The following PLEKHA5 variants were observed in gnomAD, a reference collection of about 807,000 sequenced individuals.
The protein encoded by PLEKHA5 is pleckstrin homology domain-containing family A member 5.
In PLEKHA5, 55 loss-of-function variants were observed where a neutral mutation model predicts 181.9. The observed-to-expected ratio is 0.30, with a 90% CI of 0.24 to 0.38. The LOEUF is 0.38. PLEKHA5 is among the 10% of genes least tolerant of loss of function. The pLI is 1.00. For synonymous variants in PLEKHA5, 535 were observed against 529.4 expected, an observed-to-expected ratio of 1.01 and a Z score of -0.15; for missense variants, 1,432 against 1,549.5, an observed-to-expected ratio of 0.92 and a Z score of 1.27.
intron 15 of PLEKHA5, among the ~76,000 whole-genome samples, chr12:19,299,746 G>T (rs558590018): frequency 1.3e-5 from 2 of 152,250 alleles, no homozygotes; most frequent in South Asian, 4.1e-4. Context: ...CTCGGTAAAT[G>T]GGAAGTCTGT....
intron 20 of PLEKHA5, among the ~76,000 whole-genome samples, chr12:19,326,767 T>C (rs935398812): frequency 2.0e-5 from 3 of 152,298 alleles, no homozygotes; most frequent in Admixed American, 6.5e-5. Context: ...ACCATCTTTA[T>C]GTCCACGAGT....
At chr12:19,341,933 G>C (rs1407959577) in intron 21 of PLEKHA5, among the ~76,000 whole-genome samples, 1 of 152,018 alleles carries the variant, frequency 6.6e-6, no homozygotes, top group Non-Finnish European at 1.5e-5. Flanking sequence ...GGGTTTTTCT[G>C]TGTTGCCCAG....
chr12:19,255,703 A>T (rs1172959900), intron 5 of PLEKHA5, among the ~76,000 whole-genome samples: 1 of 151,866 alleles, frequency 6.6e-6, no homozygotes, highest in Admixed American at 6.6e-5. Context: ...ACTGAGCATA[A>T]TGCTTTATGA....
At chr12:19,165,744 G>A (rs969599642) in intron 3 of PLEKHA5, among the ~76,000 whole-genome samples, 2 of 152,050 alleles carry the variant, frequency 1.3e-5, no homozygotes, top group South Asian at 2.1e-4. Context: ...TGTCATTTAC[G>A]CTCTAAAACC....
intron 3 of PLEKHA5, among the ~76,000 whole-genome samples, chr12:19,137,193 G>T (rs1256885254): frequency 1.3e-5 from 2 of 151,866 alleles, no homozygotes; most frequent in Non-Finnish European, 2.9e-5. Context: ...CCACCACCAC[G>T]CCTGGCTAAT....
intron 3 of PLEKHA5, among the ~76,000 whole-genome samples, chr12:19,160,472 T>C (rs939485401): frequency 2.6e-5 from 4 of 152,150 alleles, no homozygotes; most frequent in Non-Finnish European, 4.4e-5. Context: ...TGTGCTTCTG[T>C]TGGGAAACGT....
At chr12:19,246,583 C>G (rs182511702) in intron 3 of PLEKHA5, among the ~76,000 whole-genome samples, 1 of 148,638 alleles carries the variant, frequency 6.7e-6, no homozygotes, top group African/African-American at 2.5e-5. Context: ...GATTGCGCCA[C>G]TGCACTCCAG....
intron 6 of PLEKHA5, among the ~76,000 whole-genome samples, chr12:19,259,417 AC>A (rs1264671805): frequency 6.6e-6 from 1 of 151,994 alleles, no homozygotes; most frequent in African/African-American, 2.4e-5. Context: ...ATATTTGTTT[AC>A]AGTGTCCCTT....
At chr12:19,206,798 A>C (rs2055651323) in intron 3 of PLEKHA5, among the ~76,000 whole-genome samples, 1 of 152,166 alleles carries the variant, frequency 6.6e-6, no homozygotes, top group Non-Finnish European at 1.5e-5. Context: ...GACAGGACTC[A>C]AGAAATCTAT....
chr12:19,322,025 A>G (rs2090996590), intron 18 of PLEKHA5, among the ~76,000 whole-genome samples: 3 of 152,156 alleles, frequency 2.0e-5, no homozygotes. Context: ...GAAGTGATCT[A>G]TTGTTTATAT....
At chr12:19,133,677 A>G (rs2034704114) in intron 3 of PLEKHA5, among the ~76,000 whole-genome samples, 1 of 151,956 alleles carries the variant, frequency 6.6e-6, no homozygotes, top group African/African-American at 2.4e-5. Context: ...AAGTATTAGG[A>G]ATGCTTGCTT....
chr12:19,224,723 T>G (rs1281022242), intron 3 of PLEKHA5, among the ~76,000 whole-genome samples: 3 of 152,210 alleles, frequency 2.0e-5, no homozygotes, highest in African/African-American at 4.8e-5. Context: ...AGTGTTCTAA[T>G]GAAATAAAAA....
chr12:19,187,959 C>T (rs753311889), intron 3 of PLEKHA5, among the ~76,000 whole-genome samples: 7 of 152,280 alleles, frequency 4.6e-5, no homozygotes, highest in East Asian at 3.9e-4. Flanking sequence ...TTCACAGAAA[C>T]GACTACTTGT....
chr12:19,354,773 C>T (rs1025161150), intron 26 of PLEKHA5, among the ~76,000 whole-genome samples: 8 of 152,146 alleles, frequency 5.3e-5, no homozygotes, highest in Admixed American at 1.3e-4. Context: ...TGAGCCACCG[C>T]GCCCGGCCTT....
intron 3 of PLEKHA5, among the ~76,000 whole-genome samples, chr12:19,236,361 G>A (rs1017255063): frequency 6.6e-6 from 1 of 152,044 alleles, no homozygotes; most frequent in Non-Finnish European, 1.5e-5. Context: ...TCAGTAAAAT[G>A]GAGATCACTA....
Position 19,283,540 on chromosome 12 carries a change from C to T in PLEKHA5, c.1574C>T (p.Pro525Leu), listed in dbSNP as rs2076612989. 6.2e-7 allele frequency: 1 copy of T among 1,614,072 alleles called. No homozygotes were observed. Among genetic ancestry groups the T allele is most frequent in the South Asian group, 1.1e-5 (1 of 91,094 alleles). The change falls in exon 12 of 32, where the codon CCT (proline) becomes CTT (leucine). Residue 525 changes from proline (P) to leucine (L), a missense_variant. Around this residue, in one of 2 missense-constraint regions of PLEKHA5, gnomAD observed 1,143 missense variants for 1,168.4 expected, o/e 0.98. Transcript: ENST00000429027. ...RQFYNKQSTLPRHSTLSSPKT... is the reference protein window; with the variant it reads ...RQFYNKQSTLLRHSTLSSPKT... Reference sequence around the variant, plus strand: ...TTTTATAACAAACAGAGCACCCTCCCTCGACACAGTACTTTGAGTAGTCCC... The same window carrying T: ...TTTTATAACAAACAGAGCACCCTCCTTCGACACAGTACTTTGAGTAGTCCC...
chr12:19,263,198 T>C (rs543194195), intron 7 of PLEKHA5, among the ~76,000 whole-genome samples: 4 of 152,314 alleles, frequency 2.6e-5, no homozygotes, highest in African/African-American at 7.2e-5. Context: ...ATTTAGTATT[T>C]GTTGAGTACT....
Position 19,265,777 on chromosome 12 carries a change from G to A in PLEKHA5, c.638G>A (p.Ser213Asn). The change falls in exon 8 of 32, where the codon AGC (serine) becomes AAC (asparagine). Residue 213 changes from serine (S) to asparagine (N), a missense_variant. Physicochemically the swap from Ser to Asn is conservative, Grantham distance 46. Around this residue, in one of 2 missense-constraint regions of PLEKHA5, gnomAD observed 289 missense variants for 381.1 expected, o/e 0.76. Transcript: ENST00000429027. Reference protein sequence around the residue: ...RDEKEEGILGSILLPSFQIAL... With the variant: ...RDEKEEGILGNILLPSFQIAL... ...GAGAAAGAAGAGGGTATCCTGGGAA[G>A]CATACTGTTACCTAGTTTTCAGATA... is the stretch of plus-strand genomic sequence containing the variant. The A allele has an allele frequency of 6.3e-7, 1 of 1,590,662 alleles. No individual in the cohort carries two copies. Among genetic ancestry groups the A allele is most frequent in the Non-Finnish European group, 8.6e-7 (1 of 1,160,048 alleles).
intron 3 of PLEKHA5, among the ~76,000 whole-genome samples, chr12:19,166,398 C>T (rs925832556): frequency 1.6e-4 from 24 of 152,286 alleles, no homozygotes; most frequent in African/African-American, 5.3e-4. Flanking sequence ...AGTGTTACCT[C>T]GTTATCCCTG....
Sources: gnomAD v4.1 joint callset for allele counts (sites outside exome capture counted in the v4.1 genomes callset) on GRCh38, gnomAD v4.1.1 for gene constraint, gnomAD v4.1.1 regional missense constraint, MANE v1.5 for transcripts, NCBI Gene and HGNC (gene_info 2026-07-23, HGNC 2026-07-21) for gene names.